Variants in NPBWR2 observed in about 807,000 individuals in gnomAD.
NPBWR2 encodes the protein neuropeptides B and W receptor 2.
For synonymous variants in NPBWR2, 207 were observed against 223.5 expected (o/e 0.93, Z 0.66); for missense variants, 390 against 458.2 (o/e 0.85, Z 1.36).
chr20:64,105,848 G>T lies in NPBWR2; in HGVS notation c.984C>A (p.Arg328=), dbSNP rs1569285850. The T allele has an allele frequency of 1.9e-6, 3 of 1,606,018 alleles. No homozygotes were observed. Among genetic ancestry groups the T allele is most frequent in the South Asian group, 2.2e-5 (2 of 90,750 alleles). The change falls in exon 2 of 2, where the codon CGC becomes CGA. Residue 328 remains arginine, a synonymous_variant. Coordinates refer to ENST00000684052, the MANE Select transcript of NPBWR2 (RefSeq NM_005286.4). ...AGGCCCTTCAGCACCGCAATATGCT[G>T]CGGAAGTTCTTCCGGAAGTTGTCAT... ...FLDDNFRKNF[R]SILRC
Position 64,106,613 on chromosome 20 carries a change from C to T in NPBWR2, c.219G>A (p.Ala73=), listed in dbSNP as rs754921230. 1.1e-5 allele frequency: 18 copies of T among 1,611,790 alleles called. No individual in the cohort carries two copies. Among genetic ancestry groups the T allele is most frequent in the South Asian group, 4.4e-5 (4 of 91,070 alleles). ...NTAVILVILR[A]PKMKTVTNVF... Reference sequence around the variant, plus strand: ...CGTTGGTCACCGTCTTCATCTTGGGCGCCCTTAGGATTACAAGGATGACGG... The same window carrying T: ...CGTTGGTCACCGTCTTCATCTTGGGTGCCCTTAGGATTACAAGGATGACGG... Residue 73 remains alanine (A), a synonymous_variant, in exon 2 of 2, where the codon GCG becomes GCA. Coordinates refer to ENST00000684052, the MANE Select transcript of NPBWR2 (RefSeq NM_005286.4). The surrounding 1 kb of genome is among the most constrained non-coding windows in gnomAD (Gnocchi z 9.5).
chr20:64,106,459 G>A lies in NPBWR2; in HGVS notation c.373C>T (p.His125Tyr). The A allele has an allele frequency of 6.2e-7, 1 of 1,612,770 alleles. No homozygotes were observed. The change falls in exon 2 of 2, where the codon CAC becomes TAC. Residue 125 changes from histidine (H) to tyrosine (Y), a missense_variant. Transcript: ENST00000684052. This position sits in a 1 kb window ranked among gnomAD's most constrained non-coding sequence, Gnocchi z 9.5. ...TAGATGCTGGAGAAGATGTTGTAGT[G>A]GTCGACGGCCAGCACCAGCTTGCAG... ...LLCKLVLAVD[H>Y]YNIFSSIYFL... is the part of the protein sequence containing the mutation.
chr20:64,106,116 A>C lies in NPBWR2; in HGVS notation c.716T>G (p.Leu239Arg). 1 of 1,612,010 alleles carries C rather than the reference A, an allele frequency of 6.2e-7. No individual in the cohort carries two copies. Among genetic ancestry groups the C allele is most frequent in the Non-Finnish European group, 8.5e-7 (1 of 1,179,752 alleles). ...CVLYTDLLRR[L>R]RAVRLRSGAK... ...TCCAGAGCGGAGCCGCACGGCCCGC[A>C]GCCTGCGCAGGAGGTCTGTGTAGAG... is the stretch of plus-strand genomic sequence containing the variant. Residue 239 changes from leucine (L) to arginine (R), a missense_variant, in exon 2 of 2, where the codon CTG becomes CGG. By Grantham distance (102) the Leu-to-Arg change is moderately radical. Transcript: ENST00000684052. This position sits in a 1 kb window ranked among gnomAD's most constrained non-coding sequence, Gnocchi z 9.5.
Position 64,105,987 on chromosome 20 carries a change from A to G in NPBWR2, c.845T>C (p.Val282Ala). 2 of 1,612,508 alleles carry G rather than the reference A, an allele frequency of 1.2e-6. No individual in the cohort carries two copies. The highest frequency in any genetic ancestry group is 1.7e-6 in the Non-Finnish European group (2 of 1,179,850). ...CWTPFHLASV[V>A]ALTTDLPQTP... The stretch of plus-strand genomic sequence containing the variant: ...CTGGGGCAGGTCCGTGGTCAGGGCC[A>G]CGACAGAGGCCAGGTGGAAGGGCGT... The change falls in exon 2 of 2, where the codon GTG becomes GCG. Residue 282 changes from valine to alanine, a missense_variant. Coordinates refer to ENST00000684052, the MANE Select transcript of NPBWR2 (RefSeq NM_005286.4).
Position 64,105,767 on chromosome 20 carries a change from G to A in NPBWR2, c.*63C>T, listed in dbSNP as rs1261837551. 1.7e-5 allele frequency: 23 copies of A among 1,382,884 alleles called. 1 individual carries two copies. Among genetic ancestry groups the A allele is most frequent in the East Asian group, 2.4e-5 (1 of 42,020 alleles). The allele number at this position is 1,382,884 out of a possible 1,614,324, so 85.7% of individuals were successfully genotyped here. A position where few individuals can be genotyped will look rare whatever the true frequency, so the allele number is the denominator to read the frequency against. ...ATGGGGGTGTGGGCATGATGATGAT[G>A]GGCGTGATGATGATGGGGGGTGATG... On this transcript the variant is annotated 3_prime_UTR_variant, in exon 2 of 2. Transcript: ENST00000684052.
In NPBWR2 at chr20:64,106,777, G is replaced by T; in HGVS notation, c.55C>A (p.Pro19Thr). ...PLDSRGSFSL[P>T]TMGANVSQDN... is the part of the protein sequence containing the mutation. ...TGAGAGACGTTGGCACCCATCGTGG[G>T]GAGGGAGAAGGAGCCCCTGCTGTCA... The change falls in exon 2 of 2, where the codon CCC becomes ACC. Residue 19 changes from proline to threonine, a missense_variant. Physicochemically the swap from Pro to Thr is conservative, Grantham distance 38. Transcript: ENST00000684052. The surrounding 1 kb of genome is among the most constrained non-coding windows in gnomAD (Gnocchi z 9.5). 6.2e-7 allele frequency: 1 copy of T among 1,612,624 alleles called. No homozygotes were observed. The highest frequency in any genetic ancestry group is 1.1e-5 in the South Asian group (1 of 91,082).
In NPBWR2 at chr20:64,106,876, G is replaced by T. The variant is rs1226270448; in HGVS notation, c.-45C>A. The T allele has an allele frequency of 6.3e-7, 1 of 1,579,414 alleles. No homozygotes were observed. The highest frequency in any genetic ancestry group is 2.3e-5 in the East Asian group (1 of 44,350). ...GATTTGCGCCCTGGGCAGGTGGGAG[G>T]TGCCTTGGAGTTGGGTATCTGGTTG... On this transcript the variant is annotated 5_prime_UTR_variant, in exon 2 of 2. Coordinates refer to ENST00000684052, the MANE Select transcript of NPBWR2 (RefSeq NM_005286.4). This position sits in a 1 kb window ranked among gnomAD's most constrained non-coding sequence, Gnocchi z 9.5.
In NPBWR2 at chr20:64,104,492, TACAGGGGAGC is replaced by T. The variant is rs1979884117; in HGVS notation, c.*1328_*1337del. 9.2e-6 allele frequency among the ~76,000 whole-genome samples: 1 copy of T among 108,774 alleles called. No individual in the cohort carries two copies. The highest frequency in any genetic ancestry group is 3.4e-5 in the African/African-American group (1 of 29,120). 71.4% of individuals were successfully genotyped at this position (108,774 alleles called of 152,430 possible). A position where few individuals can be genotyped will look rare whatever the true frequency, so the allele number is the denominator to read the frequency against. On this transcript the variant is annotated 3_prime_UTR_variant, in exon 2 of 2. Coordinates refer to ENST00000684052, the MANE Select transcript of NPBWR2 (RefSeq NM_005286.4). ...AGGACCGTCGGCCACAGCAGGGGGG[TACAGGGGAGC>T]ACAGGCCATGGAGAGGACCGTCAGA...
In NPBWR2 at chr20:64,104,918, G is replaced by GGAA. The variant is rs1170943245; in HGVS notation, c.*911_*912insTTC. Reference sequence around the variant, plus strand: ...TGGAGAGGACTGTCGGACACAGCAGGGCGGGTACAGGCCATGGCAAGGACC... The same window carrying GGAA: ...TGGAGAGGACTGTCGGACACAGCAGGGAAGCGGGTACAGGCCATGGCAAGGACC... On this transcript the variant is annotated 3_prime_UTR_variant, in exon 2 of 2. Transcript: ENST00000684052. Among the ~76,000 whole-genome samples, 1 of 149,512 alleles carries GGAA rather than the reference G, an allele frequency of 6.7e-6. No individual in the cohort carries two copies. The highest frequency in any genetic ancestry group is 1.5e-5 in the Non-Finnish European group (1 of 66,700).
Position 64,105,890 on chromosome 20 carries a change from G to A in NPBWR2, c.942C>T (p.Phe314=), listed in dbSNP as rs1980008399. ...LSYANSCLNP[F]LYAFLDDNFR... is the part of the protein sequence containing the mutation. Reference sequence around the variant, plus strand: ...AGTTGTCATCTAGAAAGGCGTAGAGGAAGGGGTTCAGGCACGAGTTGGCGT... The same window carrying A: ...AGTTGTCATCTAGAAAGGCGTAGAGAAAGGGGTTCAGGCACGAGTTGGCGT... The change falls in exon 2 of 2, where the codon TTC becomes TTT. Residue 314 remains phenylalanine, a synonymous_variant. Coordinates refer to ENST00000684052, the MANE Select transcript of NPBWR2 (RefSeq NM_005286.4). 6 of 1,607,572 alleles carry A rather than the reference G, an allele frequency of 3.7e-6. No homozygotes were observed. Among genetic ancestry groups the A allele is most frequent in the Non-Finnish European group, 5.1e-6 (6 of 1,176,946 alleles).
At position 64,106,895 on chromosome 20, in the gene NPBWR2, C is replaced by G; in HGVS notation, c.-64G>C. ...TGGGAGGTGCCTTGGAGTTGGGTAT[C>G]TGGTTGGGGGCCTCCTTGGGCTGGA... is the stretch of plus-strand genomic sequence containing the variant. On this transcript the variant is annotated 5_prime_UTR_variant, in exon 2 of 2. Coordinates refer to ENST00000684052, the MANE Select transcript of NPBWR2 (RefSeq NM_005286.4). The surrounding 1 kb of genome is among the most constrained non-coding windows in gnomAD (Gnocchi z 9.5). 3.2e-6 allele frequency: 5 copies of G among 1,559,352 alleles called. No individual in the cohort carries two copies. Among genetic ancestry groups the G allele is most frequent in the Non-Finnish European group, 3.5e-6 (4 of 1,148,402 alleles).
At position 64,107,214 on chromosome 20, in the gene NPBWR2, C is replaced by G. The variant is rs1005703341; in HGVS notation, c.-92+150G>C. The G allele has an allele frequency of 2.1e-5, 6 of 284,658 alleles. No homozygotes were observed. The highest frequency in any genetic ancestry group is 1.3e-4 in the South Asian group (2 of 14,916). The allele number at this position is 284,658 out of a possible 1,614,324, so 17.6% of individuals were successfully genotyped here. On this transcript the variant is annotated intron_variant, in intron 1 of 1. Transcript: ENST00000684052. This position sits in a 1 kb window ranked among gnomAD's most constrained non-coding sequence, Gnocchi z 6.3. ...CACGGGCTGCGTAGAATCAAGCGGT[C>G]CCTTTGGAAACACACCTCCCAAGCT...
rs1017174896 is a variant in NPBWR2, at chr20:64,107,003, T to G, written c.-91-81A>C. The G allele has an allele frequency of 5.9e-5, 48 of 807,768 alleles. No homozygotes were observed. The Admixed American group carries it at 1.0e-3, about 18-fold the overall frequency. 50.0% of individuals were successfully genotyped at this position (807,768 alleles called of 1,614,324 possible). A position where few individuals can be genotyped will look rare whatever the true frequency, so the allele number is the denominator to read the frequency against. On this transcript the variant is annotated intron_variant, in intron 1 of 1. Transcript: ENST00000684052. The surrounding 1 kb of genome is among the most constrained non-coding windows in gnomAD (Gnocchi z 6.3). ...CCACTCCAGGTTCTCTGGCAGAGAC[T>G]GCGGCCACTTTGCCAGGTCAAGGAC...
Position 64,106,801 on chromosome 20 carries a change from C to G in NPBWR2, c.31G>C (p.Asp11His). The change falls in exon 2 of 2, where the codon GAC (aspartate) becomes CAC (histidine). Residue 11 changes from aspartate (D) to histidine (H), a missense_variant. Transcript: ENST00000684052. This position sits in a 1 kb window ranked among gnomAD's most constrained non-coding sequence, Gnocchi z 9.5. ...GGGAGGGAGAAGGAGCCCCTGCTGT[C>G]AAGGGGCTCTGGGTGCCCAGCGGCC... MQAAGHPEPL[D>H]SRGSFSLPTM... The G allele has an allele frequency of 6.2e-7, 1 of 1,612,028 alleles. No homozygotes were observed. The highest frequency in any genetic ancestry group is 8.5e-7 in the Non-Finnish European group (1 of 1,179,348).
At position 64,106,571 on chromosome 20, in the gene NPBWR2, C is replaced by G; in HGVS notation, c.261G>C (p.Leu87=). The G allele has an allele frequency of 6.2e-7, 1 of 1,611,856 alleles. No homozygotes were observed. The highest frequency in any genetic ancestry group is 8.5e-7 in the Non-Finnish European group (1 of 1,179,952). Reference sequence around the variant, plus strand: ...GCGTGAAGAGCCCGTCGGCGACGGCCAGGTTCAGGATGAACACGTTGGTCA... The same window carrying G: ...GCGTGAAGAGCCCGTCGGCGACGGCGAGGTTCAGGATGAACACGTTGGTCA... ...KTVTNVFILN[L]AVADGLFTLV... The change falls in exon 2 of 2, where the codon CTG becomes CTC. Residue 87 remains leucine, a synonymous_variant. Coordinates refer to ENST00000684052, the MANE Select transcript of NPBWR2 (RefSeq NM_005286.4). The surrounding 1 kb of genome is among the most constrained non-coding windows in gnomAD (Gnocchi z 9.5).
At position 64,107,017 on chromosome 20, in the gene NPBWR2, C is replaced by T. The variant is rs1980078659; in HGVS notation, c.-91-95G>A. 2.8e-6 allele frequency: 2 copies of T among 724,356 alleles called. No individual in the cohort carries two copies. The highest frequency in any genetic ancestry group is 5.9e-5 in the Admixed American group (2 of 34,188). 44.9% of individuals were successfully genotyped at this position (724,356 alleles called of 1,614,324 possible). A position where few individuals can be genotyped will look rare whatever the true frequency, so the allele number is the denominator to read the frequency against. On this transcript the variant is annotated intron_variant, in intron 1 of 1. Transcript: ENST00000684052. This position sits in a 1 kb window ranked among gnomAD's most constrained non-coding sequence, Gnocchi z 6.3. Reference sequence around the variant, plus strand: ...CTGGCAGAGACTGCGGCCACTTTGCCAGGTCAAGGACATGGGGCCAGAGGG... The same window carrying T: ...CTGGCAGAGACTGCGGCCACTTTGCTAGGTCAAGGACATGGGGCCAGAGGG...
rs768997261 is a variant in NPBWR2 at position 64,106,042 on chromosome 20, C to T, written c.790G>A (p.Val264Ile). The stretch of plus-strand genomic sequence containing the variant: ...CAGAGGAGGCACACGGCCAGCACGA[C>T]GAGGACCAGGACGGTCACCTTCCGC... ...ARRKVTVLVL[V>I]VLAVCLLCWT... is the part of the protein sequence containing the mutation. Residue 264 changes from valine (V) to isoleucine (I), a missense_variant, in exon 2 of 2, where the codon GTC becomes ATC. Val to Ile is a conservative substitution (Grantham distance 29). Transcript: ENST00000684052. The surrounding 1 kb of genome is among the most constrained non-coding windows in gnomAD (Gnocchi z 9.5). 7.4e-6 allele frequency: 12 copies of T among 1,610,744 alleles called. No homozygotes were observed. The highest frequency in any genetic ancestry group is 1.3e-5 in the African/African-American group (1 of 74,950).
rs142782007 is a variant in NPBWR2 at position 64,106,524 on chromosome 20, G to A, written c.308C>T (p.Ala103Val). 82 of 1,612,348 alleles carry A rather than the reference G, an allele frequency of 5.1e-5. 1 individual carries two copies. The highest frequency in any genetic ancestry group is 9.3e-5 in the African/African-American group (7 of 75,020). The change falls in exon 2 of 2, where the codon GCG becomes GTG. Residue 103 changes from alanine to valine, a missense_variant. By Grantham distance (64) the Ala-to-Val change is moderately conservative. Coordinates refer to ENST00000684052, the MANE Select transcript of NPBWR2 (RefSeq NM_005286.4). This position sits in a 1 kb window ranked among gnomAD's most constrained non-coding sequence, Gnocchi z 9.5. ...LFTLVLPVNIAEHLLQYWPFG... is the reference protein window; with the variant it reads ...LFTLVLPVNIVEHLLQYWPFG... ...GGGCCAGTACTGCAGCAGGTGCTCC[G>A]CGATGTTGACGGGCAGTACCAGCGT... is the stretch of plus-strand genomic sequence containing the variant.
Position 64,104,333 on chromosome 20 carries a change from C to T in NPBWR2, c.*1497G>A, listed in dbSNP as rs958524989. ...GGCCACACCCCGGGAGAGAGAGTTC[C>T]AGGTGCCAGCCTGTCCAAGTGATGG... On this transcript the variant is annotated 3_prime_UTR_variant, in exon 2 of 2. Coordinates refer to ENST00000684052, the MANE Select transcript of NPBWR2 (RefSeq NM_005286.4). Among the ~76,000 whole-genome samples the T allele has an allele frequency of 3.9e-5, 6 of 152,236 alleles. No individual in the cohort carries two copies. Among genetic ancestry groups the T allele is most frequent in the African/African-American group, 1.4e-4 (6 of 41,460 alleles).
Sources: allele counts gnomAD v4.1 joint callset (sites outside exome capture counted in the v4.1 genomes callset), GRCh38; gene constraint gnomAD v4.1.1; non-coding constraint Gnocchi (gnomAD v3.1); transcripts MANE v1.5; gene names NCBI Gene and HGNC (gene_info 2026-07-23, HGNC 2026-07-21).